The following ATP2C2 variants were observed in gnomAD, a reference collection of about 807,000 sequenced individuals.
ATP2C2 encodes the protein ATPase secretory pathway Ca2+ transporting 2, also known as calcium-transporting ATPase type 2C member 2.
In ATP2C2, 171 loss-of-function variants were observed where a neutral mutation model predicts 110.8. The observed-to-expected ratio is 1.54, with a 90% confidence interval of 1.36 to 1.75. ATP2C2 has a LOEUF of 1.75. Ranked by LOEUF, ATP2C2 falls within the 40% of genes most tolerant of loss-of-function variation. ATP2C2 has a pLI of 0.00. For synonymous variants in ATP2C2, 804 were observed against 508.4 expected (o/e 1.58, Z -7.82); for missense variants, 1,963 against 1,235.0 (o/e 1.59, Z -8.84).
At chr16:84,414,289 G>A (rs767097687) in intron 6 of ATP2C2, among the ~76,000 whole-genome samples, 2 of 152,122 alleles carry the variant, frequency 1.3e-5, no homozygotes, top group Non-Finnish European at 2.9e-5. Flanking sequence ...GGTGGGAGCC[G>A]TGGGGTTAGT....
intron 7 of ATP2C2, 38 bp from the exon 8 acceptor site, chr16:84,422,352 C>T (rs769227681): frequency 1.3e-6 from 2 of 1,597,662 alleles, no homozygotes; most frequent in Non-Finnish European, 1.7e-6. Flanking sequence ...CTCGGGGTGA[C>T]AGAGAGATTC....
At position 84,453,340 on chromosome 16, in the gene ATP2C2, C is replaced by T; in HGVS notation, c.1949C>T (p.Thr650Ile). Residue 650 changes from threonine (T) to isoleucine (I), a missense_variant, in exon 20 of 27, where the codon ACC (threonine) becomes ATC (isoleucine). Transcript: ENST00000262429. ...GTCCAGGTGTCCGTGTTCTTCAGGACCAGCCCAAAGCACAAGCTCAAAATC... is the reference window on the plus strand; with the variant it reads ...GTCCAGGTGTCCGTGTTCTTCAGGATCAGCCCAAAGCACAAGCTCAAAATC... Reference protein sequence around the residue: ...RVGKVSVFFRTSPKHKLKIIK... With the variant: ...RVGKVSVFFRISPKHKLKIIK... The T allele has an allele frequency of 6.2e-7, 1 of 1,614,142 alleles. No homozygotes were observed.
chr16:84,417,998 A>G (rs796400996), intron 7 of ATP2C2, among the ~76,000 whole-genome samples: 4 of 152,330 alleles, frequency 2.6e-5, no homozygotes, highest in African/African-American at 9.6e-5. Flanking sequence ...TTTGCACAGT[A>G]TATGGGGGTC....
At chr16:84,445,431 A>T (rs148077494) in intron 15 of ATP2C2, among the ~76,000 whole-genome samples, 2 of 151,824 alleles carry the variant, frequency 1.3e-5, no homozygotes, top group African/African-American at 4.8e-5. Context: ...GATGGTCTTG[A>T]TCTCCTCACC....
At chr16:84,399,391 C>T (rs1286611115) in intron 2 of ATP2C2, among the ~76,000 whole-genome samples, 1 of 152,194 alleles carries the variant, frequency 6.6e-6, no homozygotes, top group African/African-American at 2.4e-5. Context: ...TTTTCTTTCA[C>T]TATTCAAAAG....
In ATP2C2 at chr16:84,413,769, CAG is replaced by C. The variant is rs147675148; in HGVS notation, c.516-1713_516-1712del. The stretch of plus-strand genomic sequence containing the variant: ...GAGTCTCTGAGACCCATTTCCAACT[CAG>C]GGGAAACCCTGCTGTGCGGGACCCC... On this transcript the variant is annotated intron_variant, in intron 6 of 26. Coordinates refer to ENST00000262429, the MANE Select transcript of ATP2C2 (RefSeq NM_014861.4). Among the ~76,000 whole-genome samples the C allele has an allele frequency of 4.8e-3, 735 of 152,222 alleles. 12 individuals are homozygous for C. The highest frequency in any genetic ancestry group is 0.017 in the African/African-American group (687 of 41,534).
chr16:84,423,478 C>A (rs1228927374), intron 10 of ATP2C2, among the ~76,000 whole-genome samples: 1 of 152,244 alleles, frequency 6.6e-6, no homozygotes, highest in Non-Finnish European at 1.5e-5. Flanking sequence ...CTTGGCTTAA[C>A]AGAGTAAACG....
chr16:84,437,056 C>G (rs1908808740), intron 11 of ATP2C2, among the ~76,000 whole-genome samples: 1 of 152,174 alleles, frequency 6.6e-6, no homozygotes, highest in South Asian at 2.1e-4. Flanking sequence ...GCCGCCACAC[C>G]CGGCCTTTTT....
rs147399825 is a variant in ATP2C2, at chr16:84,383,031, G to T, written c.99+14317G>T. 1.6e-3 allele frequency among the ~76,000 whole-genome samples: 239 copies of T among 152,284 alleles called. 1 individual carries two copies. The highest frequency in any genetic ancestry group is 2.7e-3 in the Non-Finnish European group (185 of 68,026). On this transcript the variant is annotated intron_variant, in intron 1 of 26. Coordinates refer to ENST00000262429, the MANE Select transcript of ATP2C2 (RefSeq NM_014861.4). ...AGTCTACAGCTGGAGACAGAAGTGTGCCTCCTCTCCCAGGGACATGCTGGG... is the reference window on the plus strand; with the variant it reads ...AGTCTACAGCTGGAGACAGAAGTGTTCCTCCTCTCCCAGGGACATGCTGGG...
At chr16:84,404,580 T>G in intron 2 of ATP2C2, 1 of 246,028 alleles carries the variant, frequency 4.1e-6, no homozygotes, top group Non-Finnish European at 8.0e-6. Flanking sequence ...ACACCATGTT[T>G]CATGCATTCA....
chr16:84,425,101 C>T (rs923477812), intron 10 of ATP2C2, among the ~76,000 whole-genome samples: 1 of 152,158 alleles, frequency 6.6e-6, no homozygotes, highest in African/African-American at 2.4e-5. Context: ...CACACACACC[C>T]CGCTACCATC....
At chr16:84,428,015 C>T (rs1907946237) in intron 11 of ATP2C2, among the ~76,000 whole-genome samples, 3 of 152,132 alleles carry the variant, frequency 2.0e-5, no homozygotes, top group African/African-American at 7.2e-5. Flanking sequence ...TGAGAGGGTC[C>T]TCGGAGCCTT....
At chr16:84,414,084 A>C (rs1244968113) in intron 6 of ATP2C2, among the ~76,000 whole-genome samples, 6 of 152,198 alleles carry the variant, frequency 3.9e-5, no homozygotes, top group Non-Finnish European at 8.8e-5. Flanking sequence ...GGACAACCCT[A>C]AATAGCTGTC....
At chr16:84,436,766 T>G (rs1355399961) in intron 11 of ATP2C2, among the ~76,000 whole-genome samples, 3 of 148,932 alleles carry the variant, frequency 2.0e-5, no homozygotes, top group Admixed American at 1.3e-4. Context: ...GAAGGCTGTT[T>G]TTTTTTTTTT....
At chr16:84,431,715 C>T (rs1162521348) in intron 11 of ATP2C2, among the ~76,000 whole-genome samples, 1 of 152,092 alleles carries the variant, frequency 6.6e-6, no homozygotes, top group African/African-American at 2.4e-5. Context: ...TTGCTTAGAT[C>T]ATGGGGAAAC....
chr16:84,420,569 C>A (rs1907242595), intron 7 of ATP2C2, among the ~76,000 whole-genome samples: 2 of 151,664 alleles, frequency 1.3e-5, no homozygotes, highest in Admixed American at 1.3e-4. Flanking sequence ...CACCCGGGAT[C>A]CCCTCCTGTT....
intron 20 of ATP2C2, 115 bp from the exon 21 acceptor site, chr16:84,454,703 G>A (rs1597873371): frequency 1.1e-5 from 13 of 1,146,090 alleles, no homozygotes; most frequent in South Asian, 9.1e-5. Context: ...GCTGGGATTC[G>A]AATTCCGGGT....
intron 15 of ATP2C2, among the ~76,000 whole-genome samples, chr16:84,444,018 T>G (rs1909512329): frequency 6.6e-6 from 1 of 151,668 alleles, no homozygotes; most frequent in Admixed American, 6.6e-5. Context: ...AATATAAAAA[T>G]TAGCTGGGCA....
chr16:84,380,339 G>T (rs1447039439), intron 1 of ATP2C2, among the ~76,000 whole-genome samples: 1 of 152,136 alleles, frequency 6.6e-6, no homozygotes, highest in East Asian at 1.9e-4. Context: ...TGTGAACCGG[G>T]AATTGTATGT....
Sources: allele counts gnomAD v4.1 joint callset (sites outside exome capture counted in the v4.1 genomes callset), GRCh38; gene constraint gnomAD v4.1.1; transcripts MANE v1.5; gene names NCBI Gene and HGNC (gene_info 2026-07-23, HGNC 2026-07-21).